Variants in AMMECR1L observed in about 807,000 individuals in gnomAD.
AMMECR1L encodes AMMECR1-like protein.
Under a neutral mutation model 36.8 loss-of-function variants are expected in AMMECR1L, and 4 were observed. The ratio of observed to expected loss-of-function variants is 0.11; its 90% CI spans 0.05 to 0.25. The LOEUF is 0.25. Among genes scored for constraint, AMMECR1L ranks in the 10% least tolerant of loss-of-function variants. The pLI is 1.00. For synonymous variants in AMMECR1L, 147 were observed against 148.0 expected (o/e 0.99, Z 0.05); for missense variants, 232 against 392.1 (o/e 0.59, Z 3.45).
In AMMECR1L at chr2:127,874,609, G is replaced by A. The variant is rs573889359; in HGVS notation, c.-38-337C>T. Among the ~76,000 whole-genome samples, 7 of 152,242 alleles carry A rather than the reference G, an allele frequency of 4.6e-5. No individual in the cohort carries two copies. Among genetic ancestry groups the A allele is most frequent in the African/African-American group, 1.4e-4 (6 of 41,534 alleles). On this transcript the variant is annotated intron_variant, in intron 2 of 7. Coordinates refer to ENST00000272647, the MANE Select transcript of AMMECR1L (RefSeq NM_001199140.2). The surrounding 1 kb of genome is among the most constrained non-coding windows in gnomAD (Gnocchi z 5.2). ...CCAGACTGCCTGGAGGGCTGCGCAC[G>A]ACCTGTCAGACTCATCATCATGATG...
At chr2:127,878,891 G>C (rs1040246457) in intron 2 of AMMECR1L, among the ~76,000 whole-genome samples, 9 of 152,116 alleles carry the variant, frequency 5.9e-5, no homozygotes, top group African/African-American at 1.9e-4. Flanking sequence ...ATATTAGAAG[G>C]CATTTCTTTA....
At chr2:127,880,525 G>A (rs757997822) in intron 2 of AMMECR1L, among the ~76,000 whole-genome samples, 1 of 151,994 alleles carries the variant, frequency 6.6e-6, no homozygotes, top group African/African-American at 2.4e-5. Flanking sequence ...CTTGCAGGAC[G>A]TTCTCTCTTC....
chr2:127,864,089 C>G lies in AMMECR1L; in HGVS notation c.*1005G>C, dbSNP rs930402574. 6.5e-6 allele frequency: 1 copy of G among 152,790 alleles called. No individual in the cohort carries two copies. Among genetic ancestry groups the G allele is most frequent in the African/African-American group, 2.4e-5 (1 of 41,460 alleles). 9.5% of individuals were successfully genotyped at this position (152,790 alleles called of 1,614,324 possible). A position where few individuals can be genotyped will look rare whatever the true frequency, so the allele number is the denominator to read the frequency against. On this transcript the variant is annotated 3_prime_UTR_variant, in exon 8 of 8. Coordinates refer to ENST00000272647, the MANE Select transcript of AMMECR1L (RefSeq NM_001199140.2). ...CTAGAAAAAGGAGCTCCCCTGCTTA[C>G]AGGCCCCTCAGGATGTCACCTGAAA...
chr2:127,862,904 A>T lies in AMMECR1L; in HGVS notation c.*2190T>A, dbSNP rs1322774209. The T allele has an allele frequency of 6.6e-6, 1 of 152,490 alleles. No individual in the cohort carries two copies. The highest frequency in any genetic ancestry group is 1.5e-5 in the Non-Finnish European group (1 of 68,048). The allele number at this position is 152,490 out of a possible 1,614,324, so 9.4% of individuals were successfully genotyped here. A position where few individuals can be genotyped will look rare whatever the true frequency, so the allele number is the denominator to read the frequency against. On this transcript the variant is annotated 3_prime_UTR_variant, in exon 8 of 8. Coordinates refer to ENST00000272647, the MANE Select transcript of AMMECR1L (RefSeq NM_001199140.2). The stretch of plus-strand genomic sequence containing the variant: ...AAATAAAATAAAATAATAAAATAAA[A>T]TAACATACCATACATTGGAGAAGAC...
At chr2:127,867,293 T>C (rs1690732713) in intron 6 of AMMECR1L, 2 of 985,336 alleles carry the variant, frequency 2.0e-6, no homozygotes, top group Non-Finnish European at 2.4e-6. Flanking sequence ...GGAACAAACA[T>C]GGTTCCAACT....
intron 5 of AMMECR1L, among the ~76,000 whole-genome samples, chr2:127,870,430 A>G (rs1019733474): frequency 3.3e-5 from 5 of 151,920 alleles, no homozygotes; most frequent in Non-Finnish European, 7.4e-5. Flanking sequence ...AGCCGAGATC[A>G]CGTCACTGCA....
Position 127,864,197 on chromosome 2 carries a change from C to G in AMMECR1L, c.*897G>C, listed in dbSNP as rs552617418. 1 of 152,698 alleles carries G rather than the reference C, an allele frequency of 6.5e-6. No homozygotes were observed. The highest frequency in any genetic ancestry group is 6.5e-5 in the Admixed American group (1 of 15,286). The allele number at this position is 152,698 out of a possible 1,614,324, so 9.5% of individuals were successfully genotyped here. A position where few individuals can be genotyped will look rare whatever the true frequency, so the allele number is the denominator to read the frequency against. ...ACTCAATCGCTTGTTTGCACATCTA[C>G]GCTTCTGAGAACTTAGGTCCAGCTA... On this transcript the variant is annotated 3_prime_UTR_variant, in exon 8 of 8. Transcript: ENST00000272647.
rs1343422547 is a variant in AMMECR1L at position 127,862,867 on chromosome 2, T to C, written c.*2227A>G. 1 of 121,880 alleles carries C rather than the reference T, an allele frequency of 8.2e-6. No homozygotes were observed. The highest frequency in any genetic ancestry group is 7.8e-5 in the Admixed American group (1 of 12,888). The allele number at this position is 121,880 out of a possible 1,614,324, so 7.5% of individuals were successfully genotyped here. A position where few individuals can be genotyped will look rare whatever the true frequency, so the allele number is the denominator to read the frequency against. On this transcript the variant is annotated 3_prime_UTR_variant, in exon 8 of 8. Transcript: ENST00000272647. ...TGGCAGGTATCGTACCCCCCCTCGA[T>C]AAAATAAAATAAAATAAAATAAAAT...
chr2:127,872,140 G>T (rs1691003077), intron 3 of AMMECR1L, among the ~76,000 whole-genome samples: 1 of 148,160 alleles, frequency 6.7e-6, no homozygotes, highest in South Asian at 2.1e-4. Context: ...AGTGAACCGA[G>T]ATTGTGCCAC....
chr2:127,876,115 G>A (rs1240652789), intron 2 of AMMECR1L, among the ~76,000 whole-genome samples: 1 of 149,506 alleles, frequency 6.7e-6, no homozygotes, highest in Non-Finnish European at 1.5e-5. Flanking sequence ...TTGGGAGGCC[G>A]AGGCAGGAGG....
chr2:127,876,701 T>C (rs373688948), intron 2 of AMMECR1L, among the ~76,000 whole-genome samples: 8 of 152,054 alleles, frequency 5.3e-5, no homozygotes, highest in African/African-American at 1.9e-4. Context: ...CTTCCTAGGG[T>C]TAGGTGAATT....
At chr2:127,872,871 C>T in intron 3 of AMMECR1L, 1 of 504,690 alleles carries the variant, frequency 2.0e-6, no homozygotes. Context: ...AACCATGTTA[C>T]CCCAGGGTGA....
chr2:127,876,741 G>A lies in AMMECR1L; in HGVS notation c.-38-2469C>T, dbSNP rs1453671693. ...GAGTTTAACATATGTAAAGAGGCCA[G>A]GCGCCCTGGCTCACGCCTATGAACC... On this transcript the variant is annotated intron_variant, in intron 2 of 7. Coordinates refer to ENST00000272647, the MANE Select transcript of AMMECR1L (RefSeq NM_001199140.2). Among the ~76,000 whole-genome samples, 3 of 152,264 alleles carry A rather than the reference G, an allele frequency of 2.0e-5. No homozygotes were observed. The East Asian group carries it at 5.8e-4, about 29-fold the overall frequency.
chr2:127,865,211 T>C lies in AMMECR1L; in HGVS notation c.822-6A>G, dbSNP rs1690629630. Reference sequence around the variant, plus strand: ...TCACCTTCTCACTTCGGTACCTGTATGAGGAAACAGGAAAGGGTATTAGGA... The same window carrying C: ...TCACCTTCTCACTTCGGTACCTGTACGAGGAAACAGGAAAGGGTATTAGGA... On this transcript the variant is annotated splice_region_variant and splice_polypyrimidine_tract_variant and intron_variant, in intron 7 of 7. Transcript: ENST00000272647. The surrounding 1 kb of genome is among the most constrained non-coding windows in gnomAD (Gnocchi z 5.4). 2 of 1,607,012 alleles carry C rather than the reference T, an allele frequency of 1.2e-6. No homozygotes were observed. Among genetic ancestry groups the C allele is most frequent in the African/African-American group, 2.7e-5 (2 of 74,684 alleles).
At chr2:127,875,299 A>G (rs895334665) in intron 2 of AMMECR1L, among the ~76,000 whole-genome samples, 1 of 152,184 alleles carries the variant, frequency 6.6e-6, no homozygotes, top group Admixed American at 6.5e-5. Flanking sequence ...AATGTTGACA[A>G]TACTGAAGTT....
chr2:127,881,422 G>C (rs1231779054), intron 2 of AMMECR1L, among the ~76,000 whole-genome samples: 1 of 151,718 alleles, frequency 6.6e-6, no homozygotes, highest in African/African-American at 2.4e-5. Flanking sequence ...AGGCTACTAA[G>C]TCCACTGAAA....
In AMMECR1L at chr2:127,869,392, G is replaced by T; in HGVS notation, c.724+62C>A. The stretch of plus-strand genomic sequence containing the variant: ...GCAAGATGACACACTTCACTTTCTT[G>T]CCCTTTAACTGGCACCACTGTGAAT... On this transcript the variant is annotated intron_variant, in intron 6 of 7. Transcript: ENST00000272647. This position sits in a 1 kb window ranked among gnomAD's most constrained non-coding sequence, Gnocchi z 4.7. 6.8e-7 allele frequency: 1 copy of T among 1,480,258 alleles called. No homozygotes were observed. Among genetic ancestry groups the T allele is most frequent in the Non-Finnish European group, 9.4e-7 (1 of 1,058,790 alleles). The allele number at this position is 1,480,258 out of a possible 1,614,324, so 91.7% of individuals were successfully genotyped here.
rs1423585235 is a variant in AMMECR1L at position 127,865,814 on chromosome 2, G to C, written c.822-609C>G. 6.6e-6 allele frequency among the ~76,000 whole-genome samples: 1 copy of C among 152,170 alleles called. No homozygotes were observed. The highest frequency in any genetic ancestry group is 1.5e-5 in the Non-Finnish European group (1 of 68,036). The stretch of plus-strand genomic sequence containing the variant: ...TTCATAGCACTTTGGCTGTGCTCTG[G>C]AAAGAGCCATGAGTCAGGATGCGAA... On this transcript the variant is annotated intron_variant, in intron 7 of 7. Transcript: ENST00000272647. This position sits in a 1 kb window ranked among gnomAD's most constrained non-coding sequence, Gnocchi z 5.4.
rs1691116040 is a variant in AMMECR1L, at chr2:127,874,090, G to A, written c.145C>T (p.Leu49Phe). ...TTVPGSSSGP[L>F]QNHQHVDSSS... ...CTGTCCACATGCTGGTGGTTTTGAA[G>A]AGGTCCTGAACTAGAGCCGGGGACA... Residue 49 changes from leucine to phenylalanine, a missense_variant, in exon 3 of 8, where the codon CTT becomes TTT. Physicochemically the swap from Leu to Phe is conservative, Grantham distance 22. Coordinates refer to ENST00000272647, the MANE Select transcript of AMMECR1L (RefSeq NM_001199140.2). The surrounding 1 kb of genome is among the most constrained non-coding windows in gnomAD (Gnocchi z 5.2). 2 of 1,614,208 alleles carry A rather than the reference G, an allele frequency of 1.2e-6. No homozygotes were observed. Among genetic ancestry groups the A allele is most frequent in the Middle Eastern group, 1.6e-4 (1 of 6,062 alleles).
Sources: gnomAD v4.1 joint callset for allele counts (sites outside exome capture counted in the v4.1 genomes callset) on GRCh38, gnomAD v4.1.1 for gene constraint, Gnocchi (gnomAD v3.1) non-coding constraint, MANE v1.5 for transcripts, NCBI Gene and HGNC (gene_info 2026-07-23, HGNC 2026-07-21) for gene names.